ZMYND11: variants seen among roughly 807,000 people sequenced by gnomAD.
ZMYND11 encodes the protein zinc finger MYND-type containing 11.
Under a neutral mutation model 84.9 loss-of-function variants are expected in ZMYND11, and 9 were observed. The ratio of observed to expected loss-of-function variants is 0.11; its 90% confidence interval spans 0.06 to 0.18. The LOEUF (loss-of-function observed/expected upper bound fraction) is 0.18. Among genes scored for constraint, ZMYND11 ranks in the 10% least tolerant of loss-of-function variants. The pLI, the probability that ZMYND11 is intolerant of heterozygous loss-of-function variation, is 1.00. For synonymous variants in ZMYND11, 250 were observed against 244.1 expected (o/e 1.02, Z -0.23); for missense variants, 409 against 761.0 (o/e 0.54, Z 5.44).
chr10:154,749 T>A (rs1004955346), intron 1 of ZMYND11: 1 of 152,222 alleles, frequency 6.6e-6, no homozygotes. Flanking sequence ...TTAATAGATA[T>A]AAAGATGAAA....
intron 14 of ZMYND11, among the ~76,000 whole-genome samples, chr10:250,487 C>T (rs1953206447): frequency 6.7e-6 from 1 of 150,130 alleles, no homozygotes; most frequent in Non-Finnish European, 1.5e-5. Context: ...GGAGCAAGAC[C>T]CTGTCTCTTA....
chr10:138,371 C>T (rs1329182932), intron 1 of ZMYND11, among the ~76,000 whole-genome samples: 1 of 152,052 alleles, frequency 6.6e-6, no homozygotes, highest in Non-Finnish European at 1.5e-5. Context: ...CCTGCCTTGG[C>T]CTCCCAAAGT....
At chr10:180,198 A>T (rs1012968575) in intron 2 of ZMYND11, 70 bp downstream of exon 2, 2 of 1,193,962 alleles carry the variant, frequency 1.7e-6, no homozygotes, top group Non-Finnish European at 1.2e-6. Context: ...GCCAAAAAAA[A>T]TTTTATCTGT....
At position 253,244 on chromosome 10, in the gene ZMYND11, C is replaced by A. The variant is rs1197665019; in HGVS notation, c.*774C>A. 6.6e-6 allele frequency: 1 copy of A among 152,534 alleles called. No individual in the cohort carries two copies. The highest frequency in any genetic ancestry group is 1.5e-5 in the Non-Finnish European group (1 of 68,000). The allele number at this position is 152,534 out of a possible 1,614,324, so 9.4% of individuals were successfully genotyped here. On this transcript the variant is annotated 3_prime_UTR_variant, in exon 15 of 15. Transcript: ENST00000381604. ...TGAGTGCTTGTAACAAAATAAACAACAAAAACAAAGCCAAAAACTACCTTT... is the reference window on the plus strand; with the variant it reads ...TGAGTGCTTGTAACAAAATAAACAAAAAAAACAAAGCCAAAAACTACCTTT...
intron 4 of ZMYND11, among the ~76,000 whole-genome samples, chr10:235,611 C>T (rs1220047008): frequency 4.6e-5 from 7 of 152,140 alleles, no homozygotes; most frequent in Non-Finnish European, 1.0e-4. Context: ...AGCCCAGCCA[C>T]GTTGTATAAA....
intron 3 of ZMYND11, among the ~76,000 whole-genome samples, chr10:215,496 A>G (rs952063157): frequency 4.9e-4 from 75 of 152,006 alleles, no homozygotes; most frequent in South Asian, 2.1e-4. Context: ...CTTGTGACTC[A>G]AGAGCAACTG....
intron 1 of ZMYND11, among the ~76,000 whole-genome samples, chr10:139,327 G>A (rs1390180093): frequency 2.6e-5 from 4 of 152,044 alleles, no homozygotes; most frequent in African/African-American, 9.7e-5. Flanking sequence ...GAAAACTGGT[G>A]TTTTCTCTTC....
chr10:214,113 G>A (rs760000052), intron 3 of ZMYND11, among the ~76,000 whole-genome samples: 7 of 152,072 alleles, frequency 4.6e-5, no homozygotes, highest in South Asian at 2.1e-4. Flanking sequence ...CTCAGCCACC[G>A]TTTGCAGCCC....
At chr10:138,244 G>C (rs1487489999) in intron 1 of ZMYND11, among the ~76,000 whole-genome samples, 1 of 145,574 alleles carries the variant, frequency 6.9e-6, no homozygotes, top group Non-Finnish European at 1.5e-5. Context: ...CGGGTAGCTC[G>C]TACTACAGGC....
intron 6 of ZMYND11, among the ~76,000 whole-genome samples, chr10:238,467 C>A (rs1020305594): frequency 1.3e-5 from 2 of 152,136 alleles, no homozygotes; most frequent in African/African-American, 2.4e-5. Context: ...CGCCATTCTC[C>A]TGCCTCAGCC....
At chr10:162,742 T>G (rs1843191819) in intron 1 of ZMYND11, among the ~76,000 whole-genome samples, 1 of 152,218 alleles carries the variant, frequency 6.6e-6, no homozygotes. Flanking sequence ...CAAAGTTTAT[T>G]TAAGATTTTG....
At chr10:234,764 G>A (rs147256047) in intron 4 of ZMYND11, among the ~76,000 whole-genome samples, 177 of 152,214 alleles carry the variant, frequency 1.2e-3, no homozygotes, top group African/African-American at 3.3e-3. Context: ...GCCTTCTTAC[G>A]TTTTCTCTTC....
Position 135,530 on chromosome 10 carries a change from C to T in ZMYND11, c.-49C>T. 6.6e-6 allele frequency: 1 copy of T among 151,694 alleles called. No homozygotes were observed. The highest frequency in any genetic ancestry group is 1.4e-5 in the Non-Finnish European group (1 of 69,014). The allele number at this position is 151,694 out of a possible 1,614,324, so 9.4% of individuals were successfully genotyped here. On this transcript the variant is annotated 5_prime_UTR_variant, in exon 1 of 15. Coordinates refer to ENST00000381604, the MANE Select transcript of ZMYND11 (RefSeq NM_001370100.5). The surrounding 1 kb of genome is among the most constrained non-coding windows in gnomAD (Gnocchi z 5.6). The stretch of plus-strand genomic sequence containing the variant: ...CGGAGGGGAGGGCCGGGCGCGGCGG[C>T]GGCGGCGGTGGAGGAGCCGGAGCAT...
At chr10:191,756 A>G (rs956486040) in intron 2 of ZMYND11, among the ~76,000 whole-genome samples, 7 of 152,240 alleles carry the variant, frequency 4.6e-5, no homozygotes, top group African/African-American at 1.7e-4. Context: ...CCGAATTCAA[A>G]TCAGATACTC....
chr10:215,048 G>T (rs76293955), intron 3 of ZMYND11, among the ~76,000 whole-genome samples: 1 of 152,124 alleles, frequency 6.6e-6, no homozygotes, highest in African/African-American at 2.4e-5. Flanking sequence ...AAATAATGTC[G>T]TTTGCAATTG....
At chr10:222,091 T>C (rs1161493529) in intron 4 of ZMYND11, among the ~76,000 whole-genome samples, 1 of 152,228 alleles carries the variant, frequency 6.6e-6, no homozygotes, top group Non-Finnish European at 1.5e-5. Context: ...TCTATTATTT[T>C]ATACTTAACT....
chr10:202,301 A>C (rs1010527493), intron 2 of ZMYND11, among the ~76,000 whole-genome samples: 2 of 152,214 alleles, frequency 1.3e-5, no homozygotes, highest in African/African-American at 4.8e-5. Flanking sequence ...GAAGAAAAAT[A>C]GGTATGAATT....
upstream of ZMYND11, among the ~76,000 whole-genome samples, chr10:130,342 T>C (rs1331776107): frequency 2.6e-5 from 4 of 152,166 alleles, no homozygotes; most frequent in African/African-American, 9.7e-5. Flanking sequence ...TCAGGTACAT[T>C]CTTGTGTCCT....
chr10:234,009 C>T (rs193252490), intron 4 of ZMYND11, among the ~76,000 whole-genome samples: 117 of 152,298 alleles, frequency 7.7e-4, no homozygotes, highest in Admixed American at 1.4e-3. Context: ...TTTATTTAAA[C>T]TGGGTAATTA....
Sources: allele counts gnomAD v4.1 joint callset (sites outside exome capture counted in the v4.1 genomes callset), GRCh38; gene constraint gnomAD v4.1.1; non-coding constraint Gnocchi (gnomAD v3.1); transcripts MANE v1.5; gene names NCBI Gene and HGNC (gene_info 2026-07-23, HGNC 2026-07-21).